The following ADAMTSL1 variants were observed in gnomAD, a reference collection of about 807,000 sequenced individuals.
ADAMTSL1 encodes ADAMTS-like protein 1.
A neutral mutation model predicts 201.8 loss-of-function variants in ADAMTSL1; 126 were observed. The ratio of observed to expected loss-of-function variants is 0.62; its 90% CI spans 0.54 to 0.72. The LOEUF (loss-of-function observed/expected upper bound fraction) is 0.72, where lower values mean the gene tolerates loss of function less well. Ranked by LOEUF, ADAMTSL1 falls within the 30% of genes least tolerant of loss-of-function variation. The pLI, the probability that ADAMTSL1 is intolerant of heterozygous loss-of-function variation, is 0.00. For synonymous variants in ADAMTSL1, 1,121 were observed against 903.4 expected, an observed-to-expected ratio of 1.24 and a Z score of -4.32; for missense variants, 2,679 against 2,277.8, an observed-to-expected ratio of 1.18 and a Z score of -3.59.
chr9:18,113,026 C>A (rs1825096979), intron 1 of ADAMTSL1, among the ~76,000 whole-genome samples: 2 of 152,038 alleles, frequency 1.3e-5, no homozygotes, highest in Non-Finnish European at 2.9e-5. Context: ...CTCCAACTGG[C>A]TTTAAAAAAG....
intron 1 of ADAMTSL1, among the ~76,000 whole-genome samples, chr9:18,143,181 T>C (rs947385232): frequency 6.6e-6 from 1 of 152,186 alleles, no homozygotes. Context: ...AAAGTGGAGC[T>C]GGAGCCAGAG....
chr9:18,617,941 T>C (rs1017731708), intron 4 of ADAMTSL1, among the ~76,000 whole-genome samples: 4 of 152,272 alleles, frequency 2.6e-5, no homozygotes, highest in Middle Eastern at 3.4e-3. Flanking sequence ...AAATATTCAG[T>C]TTTCCACTGT....
intron 2 of ADAMTSL1, among the ~76,000 whole-genome samples, chr9:18,166,376 C>G (rs1307113544): frequency 2.0e-5 from 3 of 151,868 alleles, no homozygotes; most frequent in Non-Finnish European, 4.4e-5. Flanking sequence ...ATTGAAAACA[C>G]TGAGAATTCC....
intron 3 of ADAMTSL1, among the ~76,000 whole-genome samples, chr9:18,563,400 G>T (rs1435851826): frequency 6.6e-6 from 1 of 152,144 alleles, no homozygotes; most frequent in East Asian, 1.9e-4. Context: ...TCCCAGAGGG[G>T]CACCCACCAG....
chr9:18,796,041 C>A (rs1822399432), intron 20 of ADAMTSL1, among the ~76,000 whole-genome samples: 6 of 152,184 alleles, frequency 3.9e-5, no homozygotes, highest in Admixed American at 3.9e-4. Flanking sequence ...GCACTGCCAA[C>A]ATTCCCCTTT....
intron 2 of ADAMTSL1, among the ~76,000 whole-genome samples, chr9:18,245,997 G>A (rs1355626698): frequency 6.6e-6 from 1 of 152,096 alleles, no homozygotes; most frequent in Non-Finnish European, 1.5e-5. Context: ...ATGGCGAATT[G>A]TTGCTATTAC....
intron 2 of ADAMTSL1, among the ~76,000 whole-genome samples, chr9:18,246,698 G>A (rs1376465489): frequency 6.6e-6 from 1 of 152,120 alleles, no homozygotes; most frequent in Non-Finnish European, 1.5e-5. Context: ...TGACATATCT[G>A]AGATAATACT....
chr9:18,520,829 A>G (rs905440706), intron 2 of ADAMTSL1, among the ~76,000 whole-genome samples: 2 of 152,198 alleles, frequency 1.3e-5, no homozygotes, highest in Non-Finnish European at 2.9e-5. Flanking sequence ...AAAAAAATTA[A>G]TCTCTCCCTT....
intron 2 of ADAMTSL1, among the ~76,000 whole-genome samples, chr9:18,226,868 CATGA>C (rs1227894880): frequency 6.6e-6 from 1 of 151,880 alleles, no homozygotes; most frequent in Non-Finnish European, 1.5e-5. Context: ...ATGAATCCAG[CATGA>C]ATATGTTTAT....
chr9:18,770,918 A>G (rs752637396), intron 17 of ADAMTSL1, 137 bp downstream of exon 17: 129 of 957,108 alleles, frequency 1.3e-4, no homozygotes, highest in Non-Finnish European at 1.5e-4. Context: ...GTAACCATAT[A>G]TACCGTAGTG....
chr9:18,724,227 A>C (rs574090), intron 15 of ADAMTSL1, among the ~76,000 whole-genome samples: 128,189 of 152,212 alleles, frequency 0.84, 54,283 homozygotes, highest in Admixed American at 0.91. Context: ...TTTCCCAGGC[A>C]GTTGTTAGTC....
At chr9:18,282,614 G>A (rs551561730) in intron 2 of ADAMTSL1, among the ~76,000 whole-genome samples, 18 of 152,182 alleles carry the variant, frequency 1.2e-4, no homozygotes, top group Admixed American at 6.5e-5. Flanking sequence ...AAAAGAGTAC[G>A]TGGCCGGGTG....
At chr9:18,350,422 C>T (rs185150250) in intron 2 of ADAMTSL1, among the ~76,000 whole-genome samples, 25 of 152,226 alleles carry the variant, frequency 1.6e-4, no homozygotes, top group Admixed American at 1.4e-3. Flanking sequence ...AATGTGAAGC[C>T]GGTCCTTCCC....
At chr9:18,413,915 CAGA>C (rs1212690275) in intron 2 of ADAMTSL1, among the ~76,000 whole-genome samples, 8 of 152,102 alleles carry the variant, frequency 5.3e-5, no homozygotes, top group Admixed American at 2.6e-4. Context: ...TTCAAATACT[CAGA>C]AGAAGAAAAA....
intron 2 of ADAMTSL1, among the ~76,000 whole-genome samples, chr9:18,520,708 T>C (rs142209777): frequency 2.7e-4 from 41 of 152,348 alleles, no homozygotes; most frequent in African/African-American, 8.9e-4. Context: ...GGATGATGCC[T>C]GGCAGCATGC....
intron 23 of ADAMTSL1, among the ~76,000 whole-genome samples, chr9:18,851,688 G>A (rs1029181252): frequency 6.6e-6 from 1 of 152,130 alleles, no homozygotes; most frequent in Non-Finnish European, 1.5e-5. Flanking sequence ...TCTTCCCTTG[G>A]GGTGGGCTGT....
intron 14 of ADAMTSL1, among the ~76,000 whole-genome samples, chr9:18,715,302 C>G (rs1230511375): frequency 6.6e-6 from 1 of 151,766 alleles, no homozygotes; most frequent in Non-Finnish European, 1.5e-5. Context: ...CAAATTATCC[C>G]TGTTTGAAGA....
chr9:18,405,764 CT>C (rs1251780583), intron 2 of ADAMTSL1, among the ~76,000 whole-genome samples: 1 of 152,000 alleles, frequency 6.6e-6, no homozygotes, highest in East Asian at 1.9e-4. Flanking sequence ...TATAGAAGAC[CT>C]TTAAAAAGAC....
At chr9:18,901,236 G>C (rs1056234813) in intron 26 of ADAMTSL1, among the ~76,000 whole-genome samples, 1 of 152,068 alleles carries the variant, frequency 6.6e-6, no homozygotes, top group Middle Eastern at 3.2e-3. Context: ...AAAAATGAGG[G>C]GGAAGTTATG....
Sources: gnomAD v4.1 joint callset for allele counts (sites outside exome capture counted in the v4.1 genomes callset) on GRCh38, gnomAD v4.1.1 for gene constraint, MANE v1.5 for transcripts, NCBI Gene and HGNC (gene_info 2026-07-23, HGNC 2026-07-21) for gene names.